CUX1: variants seen among roughly 807,000 people sequenced by gnomAD.
The protein encoded by CUX1 is cut like homeobox 1.
In CUX1, 31 loss-of-function variants were observed where a neutral mutation model predicts 158.8. The ratio of observed to expected loss-of-function variants is 0.20; its 90% CI spans 0.15 to 0.26. The LOEUF (loss-of-function observed/expected upper bound fraction) is 0.26, where lower values mean the gene tolerates loss of function less well. CUX1 is among the 10% of genes least tolerant of loss of function. CUX1 has a pLI of 1.00. For missense variants in CUX1, 1,589 were observed against 2,014.6 expected (o/e 0.79, Z 4.04); for synonymous variants, 879 against 862.1 (o/e 1.02, Z -0.34).
chr7:101,880,376 T>C (rs974657847), intron 1 of CUX1, among the ~76,000 whole-genome samples: 4 of 152,046 alleles, frequency 2.6e-5, no homozygotes, highest in Non-Finnish European at 4.4e-5. Flanking sequence ...AGAATGAGTG[T>C]TGGGGGCTTT....
intron 1 of CUX1, among the ~76,000 whole-genome samples, chr7:101,825,350 C>T (rs1747866261): frequency 1.3e-5 from 2 of 152,184 alleles, no homozygotes; most frequent in Admixed American, 6.5e-5. Context: ...TACACAGTAA[C>T]GCATGCTGTC....
At chr7:101,853,254 A>G (rs1796459591) in intron 1 of CUX1, among the ~76,000 whole-genome samples, 1 of 152,144 alleles carries the variant, frequency 6.6e-6, no homozygotes, top group Non-Finnish European at 1.5e-5. Context: ...GCACCCATGA[A>G]TAGATGCTTA....
intron 20 of CUX1, among the ~76,000 whole-genome samples, chr7:102,206,257 C>T (rs753773359): frequency 1.6e-4 from 24 of 152,072 alleles, no homozygotes; most frequent in Non-Finnish European, 1.0e-4. Context: ...TGACTCTGAC[C>T]AACGTGGGGG....
intron 2 of CUX1, among the ~76,000 whole-genome samples, chr7:101,940,628 C>T (rs1807593363): frequency 6.6e-6 from 1 of 151,944 alleles, no homozygotes; most frequent in African/African-American, 2.4e-5. Flanking sequence ...TCATTTAATT[C>T]CTTTGTCCTT....
At chr7:101,981,936 A>G (rs998753135) in intron 2 of CUX1, among the ~76,000 whole-genome samples, 1 of 152,264 alleles carries the variant, frequency 6.6e-6, no homozygotes, top group African/African-American at 2.4e-5. Context: ...CTCTAATAAA[A>G]CCAGGGAGGT....
chr7:102,100,294 T>C (rs1554485956), intron 5 of CUX1, among the ~76,000 whole-genome samples: 1 of 152,154 alleles, frequency 6.6e-6, no homozygotes, highest in East Asian at 1.9e-4. Flanking sequence ...AGAATGGCTC[T>C]GGAGGCAGAC....
rs1801562599 is a variant in CUX1 at position 102,251,940 on chromosome 7, C to G, written c.*2898C>G. The stretch of plus-strand genomic sequence containing the variant: ...AGTCTAAAATGCAGTCATTTTGACC[C>G]TCCCAAGCAATTTAGTCATATGTGT... On this transcript the variant is annotated 3_prime_UTR_variant, in exon 24 of 24. Transcript: ENST00000292535. 1 of 985,346 alleles carries G rather than the reference C, an allele frequency of 1.0e-6. No individual in the cohort carries two copies. The highest frequency in any genetic ancestry group is 1.2e-6 in the Non-Finnish European group (1 of 829,924). 61.0% of individuals were successfully genotyped at this position (985,346 alleles called of 1,614,324 possible). A position where few individuals can be genotyped will look rare whatever the true frequency, so the allele number is the denominator to read the frequency against.
intron 4 of CUX1, among the ~76,000 whole-genome samples, chr7:102,095,196 G>C (rs1418249279): frequency 6.6e-6 from 1 of 151,926 alleles, no homozygotes; most frequent in African/African-American, 2.4e-5. Flanking sequence ...GTTTTGTAGA[G>C]ACAGGCTTTC....
chr7:102,146,217 G>A (rs1321958210), intron 8 of CUX1, among the ~76,000 whole-genome samples: 2 of 152,132 alleles, frequency 1.3e-5, no homozygotes, highest in African/African-American at 2.4e-5. Flanking sequence ...AGCAGAAGCC[G>A]AATGAATTAT....
Position 102,101,924 on chromosome 7 carries a change from A to G in CUX1, c.407-2412A>G, listed in dbSNP as rs575359740. On this transcript the variant is annotated intron_variant, in intron 5 of 23. Transcript: ENST00000292535. ...GAGTATCTGTCTCAATAAAAAAAAAAAAAAAGACAAAAATGCTGTATGTTT... is the reference window on the plus strand; with the variant it reads ...GAGTATCTGTCTCAATAAAAAAAAAGAAAAAGACAAAAATGCTGTATGTTT... 9.9e-5 allele frequency among the ~76,000 whole-genome samples: 15 copies of G among 152,122 alleles called. No individual in the cohort carries two copies. In the East Asian group the frequency reaches 2.9e-3, roughly 29 times the overall value.
At chr7:102,050,576 A>G (rs1332193413) in intron 3 of CUX1, among the ~76,000 whole-genome samples, 1 of 152,056 alleles carries the variant, frequency 6.6e-6, no homozygotes, top group Non-Finnish European at 1.5e-5. Flanking sequence ...TCCCATGTAA[A>G]CACAGGCACC....
At chr7:102,177,643 C>T (rs1563357181) in intron 10 of CUX1, among the ~76,000 whole-genome samples, 2 of 152,064 alleles carry the variant, frequency 1.3e-5, no homozygotes, top group Non-Finnish European at 1.5e-5. Flanking sequence ...CCCCAACGCT[C>T]AGCAGCCCCT....
chr7:102,013,492 A>G (rs1818268691), intron 2 of CUX1, among the ~76,000 whole-genome samples: 2 of 152,266 alleles, frequency 1.3e-5, no homozygotes, highest in South Asian at 4.1e-4. Context: ...GAAAGTCACT[A>G]TTTGGGAACA....
At chr7:101,925,267 C>T (rs1584999168) in intron 2 of CUX1, among the ~76,000 whole-genome samples, 1 of 152,286 alleles carries the variant, frequency 6.6e-6, no homozygotes, top group African/African-American at 2.4e-5. Context: ...TGCCACTGTG[C>T]CCAGATAATT....
chr7:102,011,751 G>A (rs1818055242), intron 2 of CUX1, among the ~76,000 whole-genome samples: 1 of 152,166 alleles, frequency 6.6e-6, no homozygotes, highest in African/African-American at 2.4e-5. Context: ...AACCAGGGCA[G>A]GACACGGAGG....
intron 1 of CUX1, among the ~76,000 whole-genome samples, chr7:101,890,060 G>C (rs1336368635): frequency 1.3e-5 from 2 of 152,226 alleles, no homozygotes; most frequent in African/African-American, 4.8e-5. Context: ...GATTTAGGGA[G>C]AGAGAAGGCC....
intron 2 of CUX1, among the ~76,000 whole-genome samples, chr7:101,940,359 C>A (rs567555821): frequency 2.6e-5 from 4 of 152,034 alleles, no homozygotes; most frequent in Non-Finnish European, 4.4e-5. Context: ...CCCAGAGACA[C>A]GCTCCATGAA....
chr7:101,962,406 T>A (rs1412041553), intron 2 of CUX1, among the ~76,000 whole-genome samples: 1 of 152,228 alleles, frequency 6.6e-6, no homozygotes, highest in Middle Eastern at 3.2e-3. Flanking sequence ...GAAAATTTGA[T>A]CTTGATTTCA....
At chr7:102,226,370 C>T (rs1554528592) in intron 20 of CUX1, among the ~76,000 whole-genome samples, 1 of 152,158 alleles carries the variant, frequency 6.6e-6, no homozygotes, top group Non-Finnish European at 1.5e-5. Flanking sequence ...GGGTGCTCCT[C>T]CTCTCCTTGC....
Sources: allele counts gnomAD v4.1 joint callset (sites outside exome capture counted in the v4.1 genomes callset), GRCh38; gene constraint gnomAD v4.1.1; transcripts MANE v1.5; gene names NCBI Gene and HGNC (gene_info 2026-07-23, HGNC 2026-07-21).